The following TOX3 variants were observed in gnomAD, a reference collection of about 807,000 sequenced individuals.
The protein encoded by TOX3 is CAG trinucleotide repeat-containing gene F9 protein.
In TOX3, 22 loss-of-function variants were observed where a neutral mutation model predicts 64.3. That is an observed-to-expected ratio of 0.34 (90% CI 0.24 to 0.49). The LOEUF (loss-of-function observed/expected upper bound fraction) is 0.49, where lower values mean the gene tolerates loss of function less well. Among genes scored for constraint, TOX3 ranks in the 20% least tolerant of loss-of-function variants. The pLI is 0.99. For synonymous variants in TOX3, 291 were observed against 273.6 expected (o/e 1.06, Z -0.63); for missense variants, 661 against 714.4 (o/e 0.93, Z 0.85).
intron 4 of TOX3, among the ~76,000 whole-genome samples, chr16:52,449,583 T>A (rs1006509051): frequency 1.3e-5 from 2 of 152,220 alleles, no homozygotes; most frequent in African/African-American, 4.8e-5. Context: ...GGGAATCTCA[T>A]TAGCAGTAAT....
chr16:52,466,406 T>C (rs1960864536), intron 2 of TOX3, among the ~76,000 whole-genome samples: 1 of 152,190 alleles, frequency 6.6e-6, no homozygotes, highest in Non-Finnish European at 1.5e-5. Context: ...ATTTAGACTT[T>C]ACAGCATGCA....
At chr16:52,440,433 C>T (rs1714690785) in intron 6 of TOX3, among the ~76,000 whole-genome samples, 1 of 152,208 alleles carries the variant, frequency 6.6e-6, no homozygotes, top group Non-Finnish European at 1.5e-5. Context: ...AAGAACCAGT[C>T]AGCTAACTGG....
chr16:52,527,472 A>G (rs1330732087), intron 1 of TOX3, among the ~76,000 whole-genome samples: 1 of 152,214 alleles, frequency 6.6e-6, no homozygotes, highest in African/African-American at 2.4e-5. Context: ...TCAAATGAAC[A>G]AAGATCTTCT....
chr16:52,449,112 T>A (rs1310479078), intron 4 of TOX3, among the ~76,000 whole-genome samples: 1 of 152,108 alleles, frequency 6.6e-6, no homozygotes, highest in Non-Finnish European at 1.5e-5. Context: ...AACAAAAGAG[T>A]CTTCTAATTA....
At chr16:52,504,616 G>T (rs1308267282) in intron 1 of TOX3, among the ~76,000 whole-genome samples, 1 of 152,112 alleles carries the variant, frequency 6.6e-6, no homozygotes, top group African/African-American at 2.4e-5. Flanking sequence ...GCAGAGATGA[G>T]ACTTAAAGGA....
At chr16:52,523,121 G>A (rs1404297647) in intron 1 of TOX3, among the ~76,000 whole-genome samples, 1 of 152,218 alleles carries the variant, frequency 6.6e-6, no homozygotes, top group Non-Finnish European at 1.5e-5. Context: ...GGAAAGCAAT[G>A]AGGTGCCCAT....
chr16:52,454,591 G>T (rs1473393718), intron 3 of TOX3, among the ~76,000 whole-genome samples: 1 of 152,072 alleles, frequency 6.6e-6, no homozygotes, highest in Admixed American at 6.6e-5. Context: ...AACTGCCTTG[G>T]GGAACTTGAG....
rs79626086 is a variant in TOX3 at position 52,479,370 on chromosome 16, G to C, written c.88-10796C>G. Among the ~76,000 whole-genome samples the C allele has an allele frequency of 1.3e-3, 198 of 152,318 alleles. 2 individuals are homozygous for C. In the East Asian group the frequency reaches 0.028, roughly 21 times the overall value. On this transcript the variant is annotated intron_variant, in intron 1 of 6. Transcript: ENST00000219746. ...ATACACTGTGCTTAGGGGAGGCTTA[G>C]CTTGAATATGCTTATGAATAAAAGG...
intron 1 of TOX3, among the ~76,000 whole-genome samples, chr16:52,506,627 T>A (rs1043040051): frequency 2.0e-5 from 3 of 152,002 alleles, no homozygotes; most frequent in Non-Finnish European, 2.9e-5. Flanking sequence ...ACCACAAGCT[T>A]ATTGGTCAGG....
rs767195188 is a variant in TOX3, at chr16:52,438,976, T to TA, written c.*248dup. On this transcript the variant is annotated 3_prime_UTR_variant, in exon 7 of 7. Transcript: ENST00000219746. ...ATATTGTAGGTATAGCCTGAATAAA[T>TA]AAAAAAGGCATCACATAAAAGAGCA... is the stretch of plus-strand genomic sequence containing the variant. 2 of 664,328 alleles carry TA rather than the reference T, an allele frequency of 3.0e-6. No individual in the cohort carries two copies. Among genetic ancestry groups the TA allele is most frequent in the Non-Finnish European group, 5.6e-6 (2 of 357,408 alleles). The allele number at this position is 664,328 out of a possible 1,614,324, so 41.2% of individuals were successfully genotyped here.
chr16:52,468,200 A>C (rs770917793), intron 2 of TOX3, among the ~76,000 whole-genome samples: 2 of 152,190 alleles, frequency 1.3e-5, no homozygotes, highest in Non-Finnish European at 2.9e-5. Context: ...ATCTGCTTAG[A>C]TACCAACACT....
At chr16:52,469,245 C>T (rs926108839) in intron 1 of TOX3, among the ~76,000 whole-genome samples, 15 of 152,128 alleles carry the variant, frequency 9.9e-5, no homozygotes, top group Non-Finnish European at 1.8e-4. Flanking sequence ...TTATTTCATT[C>T]GCTAACACAA....
chr16:52,453,153 C>T (rs539149098), intron 3 of TOX3, among the ~76,000 whole-genome samples: 1 of 150,972 alleles, frequency 6.6e-6, no homozygotes, highest in Admixed American at 6.6e-5. Flanking sequence ...CTAGCTTATT[C>T]TAAATTTTCG....
chr16:52,515,077 G>C (rs1245512324), intron 1 of TOX3, among the ~76,000 whole-genome samples: 2 of 142,548 alleles, frequency 1.4e-5, no homozygotes, highest in Admixed American at 7.1e-5. Context: ...AACAGAGCTC[G>C]AGTCTGTCTT....
chr16:52,516,608 G>GA (rs1286007504), intron 1 of TOX3, among the ~76,000 whole-genome samples: 7 of 152,146 alleles, frequency 4.6e-5, no homozygotes, highest in Non-Finnish European at 1.0e-4. Context: ...ATGAAAGATT[G>GA]AAAAAAATCA....
chr16:52,505,715 G>A (rs1386689617), intron 1 of TOX3, among the ~76,000 whole-genome samples: 1 of 152,226 alleles, frequency 6.6e-6, no homozygotes, highest in Non-Finnish European at 1.5e-5. Flanking sequence ...AGTAGCTCAT[G>A]TCTGTGATCC....
At chr16:52,541,458 A>G (rs993255764) in intron 1 of TOX3, among the ~76,000 whole-genome samples, 2 of 152,204 alleles carry the variant, frequency 1.3e-5, no homozygotes, top group African/African-American at 2.4e-5. Flanking sequence ...GGGTACAGGC[A>G]CATCTGAAGG....
At chr16:52,515,533 C>T (rs1213520318) in intron 1 of TOX3, among the ~76,000 whole-genome samples, 1 of 152,188 alleles carries the variant, frequency 6.6e-6, no homozygotes, top group African/African-American at 2.4e-5. Flanking sequence ...GTTTACCATC[C>T]TCTCCTGATG....
chr16:52,504,212 A>C (rs1402823569), intron 1 of TOX3, among the ~76,000 whole-genome samples: 1 of 152,038 alleles, frequency 6.6e-6, no homozygotes. Flanking sequence ...CACACCTATA[A>C]TCCCAGCACT....
Sources: allele counts gnomAD v4.1 joint callset (sites outside exome capture counted in the v4.1 genomes callset), GRCh38; gene constraint gnomAD v4.1.1; transcripts MANE v1.5; gene names NCBI Gene and HGNC (gene_info 2026-07-23, HGNC 2026-07-21).